SLC8A3: variants seen among roughly 807,000 people sequenced by gnomAD.
SLC8A3 encodes solute carrier family 8 member A3.
A neutral mutation model predicts 65.4 loss-of-function variants in SLC8A3; 37 were observed. That is an observed-to-expected ratio of 0.57 (90% CI 0.44 to 0.74). SLC8A3 has a LOEUF of 0.74. Among genes scored for constraint, SLC8A3 ranks in the 30% least tolerant of loss-of-function variants. SLC8A3 has a pLI of 0.00. For missense variants in SLC8A3, 1,112 were observed against 1,172.1 expected (o/e 0.95, Z 0.75); for synonymous variants, 461 against 444.5 (o/e 1.04, Z -0.47).
intron 2 of SLC8A3, among the ~76,000 whole-genome samples, chr14:70,063,201 A>G (rs1889017390): frequency 6.6e-6 from 1 of 152,338 alleles, no homozygotes. Context: ...TTTGACCTAG[A>G]TCTGGAACTC....
intron 2 of SLC8A3, among the ~76,000 whole-genome samples, chr14:70,110,101 A>G (rs1224630787): frequency 6.6e-6 from 1 of 151,862 alleles, no homozygotes; most frequent in African/African-American, 2.4e-5. Context: ...TTGGGTACAT[A>G]TGATGTTTTG....
At position 70,044,404 on chromosome 14, in the gene SLC8A3, A is replaced by G. The variant is rs1886526272; in HGVS notation, c.*1543T>C. On this transcript the variant is annotated 3_prime_UTR_variant, in exon 7 of 7. Coordinates refer to ENST00000356921, the MANE Select transcript of SLC8A3 (RefSeq NM_182932.3). ...CCCCCCCCCCTTAGAAAATGTATTT[A>G]TGTCAATGCAGAAAGCCTAAAGATC... 8.6e-6 allele frequency: 1 copy of G among 116,212 alleles called. No homozygotes were observed. Among genetic ancestry groups the G allele is most frequent in the African/African-American group, 3.3e-5 (1 of 29,936 alleles). 7.2% of individuals were successfully genotyped at this position (116,212 alleles called of 1,614,324 possible). A position where few individuals can be genotyped will look rare whatever the true frequency, so the allele number is the denominator to read the frequency against.
intron 2 of SLC8A3, among the ~76,000 whole-genome samples, chr14:70,146,360 G>A (rs1208562917): frequency 1.3e-5 from 2 of 152,130 alleles, no homozygotes; most frequent in African/African-American, 4.8e-5. Context: ...CATTTCACCT[G>A]TTAGTATGAA....
In SLC8A3 at chr14:70,044,696, T is replaced by C. The variant is rs1467772372; in HGVS notation, c.*1251A>G. 6.6e-6 allele frequency: 1 copy of C among 152,152 alleles called. No homozygotes were observed. The highest frequency in any genetic ancestry group is 1.5e-5 in the Non-Finnish European group (1 of 68,040). The allele number at this position is 152,152 out of a possible 1,614,324, so 9.4% of individuals were successfully genotyped here. ...AAATGAGGAATTCCAGTTCCTATCT[T>C]GTAAAAATGCTTTCATATGTGACCT... On this transcript the variant is annotated 3_prime_UTR_variant, in exon 7 of 7. Coordinates refer to ENST00000356921, the MANE Select transcript of SLC8A3 (RefSeq NM_182932.3).
intron 2 of SLC8A3, among the ~76,000 whole-genome samples, chr14:70,077,908 A>G (rs1271486934): frequency 1.3e-5 from 2 of 152,248 alleles, no homozygotes; most frequent in African/African-American, 2.4e-5. Context: ...ACCTCTGTTC[A>G]GAGGCAGATG....
intron 1 of SLC8A3, among the ~76,000 whole-genome samples, chr14:70,178,865 T>C (rs1478472773): frequency 6.6e-6 from 1 of 152,056 alleles, no homozygotes; most frequent in Non-Finnish European, 1.5e-5. Flanking sequence ...TATAATCTAC[T>C]CTCCACAAAA....
intron 2 of SLC8A3, among the ~76,000 whole-genome samples, chr14:70,068,820 G>C (rs1052917467): frequency 6.6e-6 from 1 of 151,980 alleles, no homozygotes; most frequent in African/African-American, 2.4e-5. Context: ...TCAACCTCCC[G>C]GGCTCATATA....
At chr14:70,120,578 G>C (rs192282809) in intron 2 of SLC8A3, among the ~76,000 whole-genome samples, 1 of 152,218 alleles carries the variant, frequency 6.6e-6, no homozygotes, top group Admixed American at 6.5e-5. Context: ...AAAATCCCTC[G>C]CAAGAATGGT....
At chr14:70,052,308 G>C (rs187550855) in intron 3 of SLC8A3, among the ~76,000 whole-genome samples, 194 bp from the exon 4 acceptor site, 1 of 152,302 alleles carries the variant, frequency 6.6e-6, no homozygotes, top group African/African-American at 2.4e-5. Context: ...GTGCCTTGCA[G>C]ACTGGGATAA....
At chr14:70,142,850 G>C (rs560498388) in intron 2 of SLC8A3, among the ~76,000 whole-genome samples, 2 of 152,056 alleles carry the variant, frequency 1.3e-5, no homozygotes, top group South Asian at 4.1e-4. Flanking sequence ...GATTCTTCTG[G>C]TCCCTTAAAA....
chr14:70,177,026 C>A (rs1413330882), intron 1 of SLC8A3, among the ~76,000 whole-genome samples: 1 of 152,220 alleles, frequency 6.6e-6, no homozygotes, highest in African/African-American at 2.4e-5. Flanking sequence ...GTGTCACAGG[C>A]TGACTTTCAC....
At chr14:70,079,315 C>T (rs1423966106) in intron 2 of SLC8A3, among the ~76,000 whole-genome samples, 3 of 129,132 alleles carry the variant, frequency 2.3e-5, no homozygotes, top group Non-Finnish European at 3.2e-5. Flanking sequence ...GAAACCCTGT[C>T]TCTACTAAAA....
chr14:70,122,031 C>T (rs11850110), intron 2 of SLC8A3, among the ~76,000 whole-genome samples: 5,098 of 152,084 alleles, frequency 0.034, 290 homozygotes, highest in African/African-American at 0.12. Flanking sequence ...ACTTAGGAGG[C>T]GAGCTTCCTC....
chr14:70,091,248 A>C (rs1263817009), intron 2 of SLC8A3, among the ~76,000 whole-genome samples: 1 of 152,220 alleles, frequency 6.6e-6, no homozygotes, highest in Non-Finnish European at 1.5e-5. Flanking sequence ...TTATGGCAGC[A>C]GAGCTCTGAT....
At chr14:70,188,105 C>G (rs1594841676) in intron 1 of SLC8A3, among the ~76,000 whole-genome samples, 1 of 152,162 alleles carries the variant, frequency 6.6e-6, no homozygotes, top group African/African-American at 2.4e-5. Flanking sequence ...CCCCTCCCCA[C>G]CCGGCGGCAC....
In SLC8A3 at chr14:70,166,734, G is replaced by A. The variant is rs746617997; in HGVS notation, c.1689C>T (p.Ile563=). ...LRTSGARGTV[I]VPFRTVEGTA... is the part of the protein sequence containing the mutation. ...TCCCTTCTACTGTCCTAAAGGGGAC[G>A]ATGACTGTACCCCGGGCACCTGATG... Residue 563 remains isoleucine (I), a synonymous_variant, in exon 2 of 7, where the codon ATC becomes ATT. Transcript: ENST00000356921. The A allele has an allele frequency of 9.9e-6, 16 of 1,613,930 alleles. No homozygotes were observed. The South Asian group carries it at 1.1e-4, about 11-fold the overall frequency.
rs546188582 is a variant in SLC8A3, at chr14:70,062,529, T to C, written c.1785-1590A>G. On this transcript the variant is annotated intron_variant, in intron 2 of 6. Transcript: ENST00000356921. ...GTACAGGTTTGTAGCCTAGGAGCAA[T>C]AGGCCCACATAGTCCAGGTGTGTTG... Among the ~76,000 whole-genome samples, 19 of 152,340 alleles carry C rather than the reference T, an allele frequency of 1.2e-4. No individual in the cohort carries two copies. The South Asian group carries it at 3.7e-3, about 30-fold the overall frequency.
Position 70,045,425 on chromosome 14 carries a change from T to C in SLC8A3, c.*522A>G, listed in dbSNP as rs1383044904. 6.6e-6 allele frequency: 1 copy of C among 152,098 alleles called. No individual in the cohort carries two copies. Among genetic ancestry groups the C allele is most frequent in the Non-Finnish European group, 1.5e-5 (1 of 68,072 alleles). The allele number at this position is 152,098 out of a possible 1,614,324, so 9.4% of individuals were successfully genotyped here. A position where few individuals can be genotyped will look rare whatever the true frequency, so the allele number is the denominator to read the frequency against. Reference sequence around the variant, plus strand: ...TTCAGAAAAAAAAGACAAAACAAAATAATAAGCAAAACCTAATGGCAAAAC... The same window carrying C: ...TTCAGAAAAAAAAGACAAAACAAAACAATAAGCAAAACCTAATGGCAAAAC... On this transcript the variant is annotated 3_prime_UTR_variant, in exon 7 of 7. Coordinates refer to ENST00000356921, the MANE Select transcript of SLC8A3 (RefSeq NM_182932.3).
In SLC8A3 at chr14:70,164,739, T is replaced by G. The variant is rs372117061; in HGVS notation, c.1784+1900A>C. ...TCAGAAGAACCACAAGTCCGTCAAA[T>G]TATGGCAAATTTTGTGGTCTTAATG... On this transcript the variant is annotated intron_variant, in intron 2 of 6. Coordinates refer to ENST00000356921, the MANE Select transcript of SLC8A3 (RefSeq NM_182932.3). Among the ~76,000 whole-genome samples, 10 of 152,292 alleles carry G rather than the reference T, an allele frequency of 6.6e-5. No homozygotes were observed. The East Asian group carries it at 1.9e-3, about 29-fold the overall frequency.
Sources: gnomAD v4.1 joint callset for allele counts (sites outside exome capture counted in the v4.1 genomes callset) on GRCh38, gnomAD v4.1.1 for gene constraint, MANE v1.5 for transcripts, NCBI Gene and HGNC (gene_info 2026-07-23, HGNC 2026-07-21) for gene names.